Variants in TAL1 observed in about 807,000 individuals in gnomAD.
TAL1 encodes the protein T-cell acute lymphocytic leukemia protein 1.
TAL1 carries 8 observed loss-of-function variants against 17.9 expected under a neutral mutation model. That is an observed-to-expected ratio of 0.45 (90% CI 0.26 to 0.81). The LOEUF is 0.81. TAL1 is among the 30% of genes least tolerant of loss of function. TAL1 has a pLI of 0.17. For missense variants in TAL1, 466 were observed against 486.9 expected (o/e 0.96, Z 0.40); for synonymous variants, 223 against 218.6 (o/e 1.02, Z -0.18).
chr1:47,218,349 G>A (rs1465500618), exon 4 of TAL1: 4 of 232,896 alleles, frequency 1.7e-5, no homozygotes. Flanking sequence ...TGAAGGGGCA[G>A]TGGTTCATTC....
At chr1:47,220,256 G>A in intron 3 of TAL1, 82 bp from the exon 5 acceptor site, 1 of 1,422,302 alleles carries the variant, frequency 7.0e-7, no homozygotes, top group South Asian at 1.9e-5. Context: ...GGGAAACTTG[G>A]GAAGCCTAGA....
chr1:47,222,075 T>C (rs1643823428), intron 3 of TAL1, among the ~76,000 whole-genome samples: 1 of 152,214 alleles, frequency 6.6e-6, no homozygotes, highest in Non-Finnish European at 1.5e-5. Flanking sequence ...GGAAATTACT[T>C]GCTGCTTTCA....
chr1:47,230,648 C>T (rs531678461), upstream of TAL1: 5 of 152,010 alleles, frequency 3.3e-5, no homozygotes, highest in African/African-American at 9.7e-5. Context: ...ACGGCTGTAG[C>T]GGAAAAAAAC....
At chr1:47,230,408 G>C (rs1250345082), upstream of TAL1, 1 of 152,180 alleles carries the variant, frequency 6.6e-6, no homozygotes, top group East Asian at 1.9e-4. Flanking sequence ...GGACATATAG[G>C]AATAATTCTT....
exon 4 of TAL1, chr1:47,219,206 A>G: frequency 2.3e-6 from 1 of 435,152 alleles, no homozygotes; most frequent in South Asian, 2.1e-5. Flanking sequence ...GCATCTGGCA[A>G]GCTGGATGGA....
rs1051263683 is a variant in TAL1 at position 47,225,677 on chromosome 1, G to A, written c.212C>T (p.Ala71Val). The change falls in exon 2 of 4, where the codon GCG becomes GTG. Residue 71 changes from alanine to valine, a missense_variant. By Grantham distance (64) the Ala-to-Val change is moderately conservative (BLOSUM62 0). Coordinates refer to ENST00000294339, the Ensembl canonical transcript of TAL1. ...CGCGTCGCGGCCCTTTAAGTCTCTCGCGGCGCCGCCCCCACCGGCAGGGCC... is the reference window on the plus strand; with the variant it reads ...CGCGTCGCGGCCCTTTAAGTCTCTCACGGCGCCGCCCCCACCGGCAGGGCC... The A allele has an allele frequency of 1.3e-5, 18 of 1,419,570 alleles. No individual in the cohort carries two copies. Among genetic ancestry groups the A allele is most frequent in the Non-Finnish European group, 1.4e-5 (15 of 1,095,460 alleles). The allele number at this position is 1,419,570 out of a possible 1,614,324, so 87.9% of individuals were successfully genotyped here.
intron 1 of TAL1, chr1:47,227,285 T>C (rs1643927638): frequency 6.6e-6 from 1 of 152,220 alleles, no homozygotes; most frequent in Non-Finnish European, 1.5e-5. Context: ...TGTACATATA[T>C]GATCAACACC....
exon 4 of TAL1, chr1:47,219,535 T>C (rs1222398121): frequency 2.1e-6 from 2 of 936,304 alleles, no homozygotes; most frequent in East Asian, 2.6e-5. Context: ...GATCTCCTAC[T>C]GGTACAGGAA....
At chr1:47,225,850 G>T (rs1361149957) in exon 2 of TAL1, 1 of 1,586,338 alleles carries the variant, frequency 6.3e-7, no homozygotes, top group Admixed American at 1.7e-5. Flanking sequence ...CTAGCTGGGG[G>T]TCACTGCGAG....
chr1:47,220,648 C>T (rs377399829), intron 3 of TAL1, among the ~76,000 whole-genome samples: 3 of 152,328 alleles, frequency 2.0e-5, no homozygotes, highest in Admixed American at 2.0e-4. Flanking sequence ...GGAGGTAATA[C>T]TACTAAGTCA....
chr1:47,217,217 CAA>C (rs36017365), exon 4 of TAL1: 326 of 241,316 alleles, frequency 1.4e-3, no homozygotes, highest in East Asian at 3.1e-3. Flanking sequence ...CCATCTCTAC[CAA>C]AAAAAAAAAA....
At chr1:47,222,973 AC>A (rs1443599185) in intron 3 of TAL1, among the ~76,000 whole-genome samples, 5 of 151,906 alleles carry the variant, frequency 3.3e-5, no homozygotes, top group African/African-American at 1.2e-4. Context: ...AGCAGAAGGC[AC>A]CCCTGCCTCT....
rs202208166 is a variant in TAL1 at position 47,225,137 on chromosome 1, AG to A, written c.446+305del. Among the ~76,000 whole-genome samples, 1,127 of 152,148 alleles carry A rather than the reference AG, an allele frequency of 7.4e-3. 16 individuals carry two copies. The highest frequency in any genetic ancestry group is 0.026 in the African/African-American group (1,083 of 41,518). ...TCCGTCCCCCACGACACCACCACCA[AG>A]CACACCAGCCACATGCCTGCACCCG... On this transcript the variant is annotated intron_variant, in intron 2 of 3. Transcript: ENST00000294339.
chr1:47,223,635 G>A (rs990194851), intron 3 of TAL1: 26 of 178,016 alleles, frequency 1.5e-4, no homozygotes, highest in African/African-American at 5.6e-4. Flanking sequence ...ATGGGGGATC[G>A]GGGGACACTG....
intron 2 of TAL1, 132 bp from the exon 4 acceptor site, chr1:47,224,230 G>T: frequency 1.4e-6 from 1 of 707,644 alleles, no homozygotes; most frequent in Non-Finnish European, 2.5e-6. Flanking sequence ...CACTTGAGCT[G>T]GGAATAGGCA....
chr1:47,228,360 G>C (rs1402913388), intron 1 of TAL1: 1 of 184,732 alleles, frequency 5.4e-6, no homozygotes, highest in African/African-American at 2.3e-5. Context: ...GATTTTGTTT[G>C]TTTTTATTTG....
At position 47,225,896 on chromosome 1, in the gene TAL1, GCAGA is replaced by G. The variant is rs145295250; in HGVS notation, c.-1-11_-1-8del. 0.5 allele frequency: 787,940 copies of G among 1,568,914 alleles called. 211,532 individuals carry two copies. The highest frequency in any genetic ancestry group is 0.55 in the Non-Finnish European group (642,529 of 1,165,546). ...CGGCGGCCGCTCGGTCATCCTGTGGGCAGACAGACAGACAAGCGGATGCCCGCTC... is the reference window on the plus strand; with the variant it reads ...CGGCGGCCGCTCGGTCATCCTGTGGGCAGACAGACAAGCGGATGCCCGCTC... On this transcript the variant is annotated splice_polypyrimidine_tract_variant and splice_region_variant and intron_variant, in intron 1 of 3. Transcript: ENST00000294339.
At chr1:47,231,840 G>A (rs931743079), upstream of TAL1, 2 of 233,680 alleles carry the variant, frequency 8.6e-6, no homozygotes, top group African/African-American at 4.4e-5. Context: ...CAGTTCTCAT[G>A]AACGCACTCT....
exon 4 of TAL1, chr1:47,218,647 GAGCGCTAA>G (rs1645547263): frequency 4.3e-6 from 1 of 232,828 alleles, no homozygotes; most frequent in African/African-American, 2.2e-5. Flanking sequence ...TGGTCCTATT[GAGCGCTAA>G]AGATTCCACC....
Sources: gnomAD v4.1 joint callset for allele counts (sites outside exome capture counted in the v4.1 genomes callset) on GRCh38, gnomAD v4.1.1 for gene constraint, MANE v1.5 for transcripts, NCBI Gene and HGNC (gene_info 2026-07-23, HGNC 2026-07-21) for gene names.